The following PDSS2 variants were observed in gnomAD, a reference collection of about 807,000 sequenced individuals.
PDSS2 encodes all trans-polyprenyl-diphosphate synthase PDSS2.
In PDSS2, 31 loss-of-function variants were observed where a neutral mutation model predicts 44.5. That is an observed-to-expected ratio of 0.70 (90% confidence interval 0.52 to 0.94). PDSS2 has a LOEUF of 0.94. Among genes scored for constraint, PDSS2 ranks in the 40% least tolerant of loss-of-function variants. The pLI is 0.00. For synonymous variants in PDSS2, 157 were observed against 180.3 expected, an observed-to-expected ratio of 0.87 and a Z score of 1.03; for missense variants, 452 against 482.2, an observed-to-expected ratio of 0.94 and a Z score of 0.59.
chr6:107,223,797 A>G (rs1328839510), intron 4 of PDSS2, among the ~76,000 whole-genome samples: 11 of 146,678 alleles, frequency 7.5e-5, no homozygotes, highest in Non-Finnish European at 1.6e-4. Context: ...TAAACTTGTA[A>G]ATCAAGCCCT....
chr6:107,203,055 A>G (rs1331703458), intron 6 of PDSS2, among the ~76,000 whole-genome samples: 3 of 151,456 alleles, frequency 2.0e-5, no homozygotes, highest in African/African-American at 7.3e-5. Flanking sequence ...AGGAAAAAAA[A>G]TCGACTCAGG....
At chr6:107,408,804 G>T (rs1360699653) in intron 1 of PDSS2, among the ~76,000 whole-genome samples, 1 of 152,140 alleles carries the variant, frequency 6.6e-6, no homozygotes, top group Non-Finnish European at 1.5e-5. Context: ...TGAGCAAAAT[G>T]AATCAGAGAA....
At chr6:107,343,056 T>C (rs1410053292) in intron 1 of PDSS2, among the ~76,000 whole-genome samples, 1 of 152,316 alleles carries the variant, frequency 6.6e-6, no homozygotes, top group Admixed American at 6.5e-5. Context: ...GCTTAAGTGA[T>C]CCTCTCGCCT....
At chr6:107,177,091 A>G (rs1352839922) in intron 7 of PDSS2, among the ~76,000 whole-genome samples, 1 of 142,532 alleles carries the variant, frequency 7.0e-6, no homozygotes, top group Non-Finnish European at 1.5e-5. Flanking sequence ...TTTTTTTTCT[A>G]TTTTCTTTAC....
intron 2 of PDSS2, among the ~76,000 whole-genome samples, chr6:107,326,053 T>C (rs1365641370): frequency 2.0e-5 from 3 of 152,180 alleles, no homozygotes; most frequent in Admixed American, 6.5e-5. Flanking sequence ...TGCTGAATGC[T>C]GAGGTAATAC....
At position 107,255,710 on chromosome 6, in the gene PDSS2, TG is replaced by T. The variant is rs143429921; in HGVS notation, c.631-10092del. ...TGGTTTGAAACATTATTCAATATCA[TG>T]CTGAAAAATGTTATGTATAGTTCAT... On this transcript the variant is annotated intron_variant, in intron 3 of 7. Transcript: ENST00000369037. Among the ~76,000 whole-genome samples, 721 of 152,320 alleles carry T rather than the reference TG, an allele frequency of 4.7e-3. 8 individuals carry two copies. The highest frequency in any genetic ancestry group is 0.046 in the East Asian group (238 of 5,172).
Position 107,256,706 on chromosome 6 carries a change from CT to C in PDSS2, c.631-11088del, listed in dbSNP as rs1430438531. On this transcript the variant is annotated intron_variant, in intron 3 of 7. Transcript: ENST00000369037. ...ACTGTGTTCTAAAAAATTAAGTAAT[CT>C]TTTTTTTCCTTCCTTCAAATTATCA... 2.0e-5 allele frequency among the ~76,000 whole-genome samples: 3 copies of C among 151,972 alleles called. No individual in the cohort carries two copies. In the East Asian group the frequency reaches 5.8e-4, roughly 29 times the overall value.
chr6:107,181,967 TA>T (rs1267351977), intron 7 of PDSS2, among the ~76,000 whole-genome samples: 5 of 152,146 alleles, frequency 3.3e-5, no homozygotes, highest in African/African-American at 9.7e-5. Flanking sequence ...TGCTTATCAT[TA>T]AAATCATTTA....
chr6:107,277,576 G>C (rs1013385337), intron 2 of PDSS2, among the ~76,000 whole-genome samples: 1 of 152,064 alleles, frequency 6.6e-6, no homozygotes, highest in Non-Finnish European at 1.5e-5. Context: ...ATATGGGGTG[G>C]GGGAGCTATT....
chr6:107,320,613 T>G (rs1407754166), intron 2 of PDSS2, among the ~76,000 whole-genome samples: 2 of 152,180 alleles, frequency 1.3e-5, no homozygotes, highest in East Asian at 3.8e-4. Context: ...TTTCACAACA[T>G]ATAAAGAATA....
intron 1 of PDSS2, among the ~76,000 whole-genome samples, chr6:107,414,697 G>A (rs749858139): frequency 5.3e-5 from 8 of 152,184 alleles, no homozygotes; most frequent in Non-Finnish European, 1.0e-4. Flanking sequence ...CCCAACAGAA[G>A]CATATGGGCT....
chr6:107,166,252 A>G (rs1230851042), intron 7 of PDSS2, among the ~76,000 whole-genome samples: 6 of 152,124 alleles, frequency 3.9e-5, no homozygotes, highest in Admixed American at 3.9e-4. Context: ...CCAGTTTCCA[A>G]CGGGAATGCT....
chr6:107,336,092 T>C (rs1269548319), intron 1 of PDSS2, among the ~76,000 whole-genome samples: 1 of 151,422 alleles, frequency 6.6e-6, no homozygotes, highest in Non-Finnish European at 1.5e-5. Context: ...CCGTCTCTAC[T>C]AAAAATACAA....
At chr6:107,243,928 A>T (rs1327089684) in intron 4 of PDSS2, among the ~76,000 whole-genome samples, 1 of 152,230 alleles carries the variant, frequency 6.6e-6, no homozygotes, top group African/African-American at 2.4e-5. Flanking sequence ...CAGGAGGTCA[A>T]GACCAGCCTG....
At chr6:107,317,095 G>A (rs1056317097) in intron 2 of PDSS2, among the ~76,000 whole-genome samples, 1 of 152,152 alleles carries the variant, frequency 6.6e-6, no homozygotes, top group African/African-American at 2.4e-5. Flanking sequence ...AACAAACCAA[G>A]AACGAGCCTG....
intron 3 of PDSS2, among the ~76,000 whole-genome samples, chr6:107,249,824 T>G (rs952175866): frequency 2.0e-5 from 3 of 152,174 alleles, no homozygotes; most frequent in Non-Finnish European, 4.4e-5. Flanking sequence ...TCAAGCAAAT[T>G]GTTGATCACT....
At chr6:107,330,055 C>G (rs1025415942) in intron 2 of PDSS2, among the ~76,000 whole-genome samples, 2 of 151,370 alleles carry the variant, frequency 1.3e-5, no homozygotes, top group East Asian at 1.9e-4. Flanking sequence ...ACAGATAAAC[C>G]CTAAAATTTA....
intron 3 of PDSS2, among the ~76,000 whole-genome samples, chr6:107,250,559 G>C (rs375357254): frequency 9.9e-5 from 15 of 152,104 alleles, no homozygotes; most frequent in East Asian, 9.6e-4. Context: ...AGGGTGTTGG[G>C]GGGGGAAGCA....
chr6:107,244,074 G>A (rs1334091045), intron 4 of PDSS2, among the ~76,000 whole-genome samples: 2 of 152,186 alleles, frequency 1.3e-5, no homozygotes, highest in African/African-American at 4.8e-5. Context: ...GTTGTGGTGA[G>A]CCGAGATCGT....
Sources: gnomAD v4.1 joint callset for allele counts (sites outside exome capture counted in the v4.1 genomes callset) on GRCh38, gnomAD v4.1.1 for gene constraint, MANE v1.5 for transcripts, NCBI Gene and HGNC (gene_info 2026-07-23, HGNC 2026-07-21) for gene names.